The following RRP7A variants were observed in gnomAD, a reference collection of about 807,000 sequenced individuals.
RRP7A encodes ribosomal RNA-processing protein 7 homolog A.
A neutral mutation model predicts 38.4 loss-of-function variants in RRP7A; 27 were observed. The observed-to-expected ratio is 0.70, with a 90% CI of 0.52 to 0.97. RRP7A has a LOEUF of 0.97. Ranked by LOEUF, RRP7A falls within the 50% of genes least tolerant of loss-of-function variation. The pLI is 0.00. For missense variants in RRP7A, 327 were observed against 375.4 expected, an observed-to-expected ratio of 0.87 and a Z score of 1.07; for synonymous variants, 124 against 150.3, an observed-to-expected ratio of 0.83 and a Z score of 1.28.
In RRP7A at chr22:42,509,181, C is replaced by T. The variant is rs1932366050; in HGVS notation, c.*3729G>A. The T allele has an allele frequency of 2.1e-5, 34 of 1,604,562 alleles. 1 individual carries two copies. The highest frequency in any genetic ancestry group is 2.0e-4 in the South Asian group (18 of 90,356). On this transcript the variant is annotated 3_prime_UTR_variant, in exon 7 of 7. Coordinates refer to ENST00000323013, the MANE Select transcript of RRP7A (RefSeq NM_015703.5). Reference sequence around the variant, plus strand: ...GGCGCCAGGAATCTCTGGGAGGGGGCCCTGGCATGAGGCTCCAAGTTCTCT... The same window carrying T: ...GGCGCCAGGAATCTCTGGGAGGGGGTCCTGGCATGAGGCTCCAAGTTCTCT...
chr22:42,515,875 T>C, intron 3 of RRP7A, 136 bp downstream of exon 3: 3 of 1,141,334 alleles, frequency 2.6e-6, no homozygotes, highest in Non-Finnish European at 3.7e-6. Flanking sequence ...ACCCAGACAG[T>C]CTCTTACACC....
intron 6 of RRP7A, among the ~76,000 whole-genome samples, chr22:42,513,705 A>C (rs1315012454): frequency 1.1e-4 from 16 of 148,398 alleles, no homozygotes; most frequent in African/African-American, 3.7e-4. Context: ...AGACACACAC[A>C]CACACACACC....
chr22:42,514,460 G>A (rs925965917), intron 5 of RRP7A, among the ~76,000 whole-genome samples, 156 bp from the exon 6 acceptor site: 6 of 152,128 alleles, frequency 3.9e-5, no homozygotes, highest in African/African-American at 1.4e-4. Flanking sequence ...AAGGATGGCG[G>A]GGAGGGCACG....
At chr22:42,515,761 AG>A (rs1424257146) in intron 3 of RRP7A, among the ~76,000 whole-genome samples, 1 of 152,180 alleles carries the variant, frequency 6.6e-6, no homozygotes, top group Non-Finnish European at 1.5e-5. Context: ...AAGGCCCTGC[AG>A]GTGGCCAGCA....
chr22:42,517,958 C>A, intron 2 of RRP7A, 47 bp downstream of exon 2: 1 of 1,594,926 alleles, frequency 6.3e-7, no homozygotes, highest in Middle Eastern at 1.7e-4. Context: ...CCATGGGAGC[C>A]CCCACCTTGA....
In RRP7A at chr22:42,519,776, C is replaced by G. The variant is rs993323256; in HGVS notation, c.11G>C (p.Arg4Pro). The G allele has an allele frequency of 6.9e-7, 1 of 1,445,740 alleles. No individual in the cohort carries two copies. The highest frequency in any genetic ancestry group is 1.5e-5 in the African/African-American group (1 of 67,920). The allele number at this position is 1,445,740 out of a possible 1,614,324, so 89.6% of individuals were successfully genotyped here. Residue 4 changes from arginine to proline, a missense_variant, in exon 1 of 7, where the codon CGC (arginine) becomes CCC (proline). Arg to Pro is a moderately radical substitution (Grantham distance 103). Around this residue, in one of 5 missense-constraint regions of RRP7A, gnomAD observed 183 missense variants for 141.8 expected, o/e 1.29. Coordinates refer to ENST00000323013, the MANE Select transcript of RRP7A (RefSeq NM_015703.5). MVA[R>P]RRKCAARDPE... The stretch of plus-strand genomic sequence containing the variant: ...GTCCCGCGCGGCGCACTTCCTCCTG[C>G]GCGCCACCATCTTGCCACCCGGGAG...
chr22:42,511,825 G>C lies in RRP7A; in HGVS notation c.*1085C>G, dbSNP rs139433212. 742 of 409,044 alleles carry C rather than the reference G, an allele frequency of 1.8e-3. 5 individuals carry two copies. Among genetic ancestry groups the C allele is most frequent in the African/African-American group, 0.014 (706 of 49,178 alleles). The allele number at this position is 409,044 out of a possible 1,614,324, so 25.3% of individuals were successfully genotyped here. On this transcript the variant is annotated 3_prime_UTR_variant, in exon 7 of 7. Coordinates refer to ENST00000323013, the MANE Select transcript of RRP7A (RefSeq NM_015703.5). The stretch of plus-strand genomic sequence containing the variant: ...TATCTTTTCTCACGAGGACTACTTC[G>C]GATACAATCACAGCAACCCTGGCCT...
rs1455316815 is a variant in RRP7A at position 42,512,597 on chromosome 22, T to C, written c.*313A>G. ...GCTTTTTCGTTGCCAGCAAGGGCTT[T>C]TGCATTGAGGGAAAAGGAAGCACAG... On this transcript the variant is annotated 3_prime_UTR_variant, in exon 7 of 7. Coordinates refer to ENST00000323013, the MANE Select transcript of RRP7A (RefSeq NM_015703.5). 1.1e-5 allele frequency: 6 copies of C among 549,282 alleles called. No individual in the cohort carries two copies. Among genetic ancestry groups the C allele is most frequent in the Middle Eastern group, 4.8e-4 (1 of 2,084 alleles). 34.0% of individuals were successfully genotyped at this position (549,282 alleles called of 1,614,324 possible). A position where few individuals can be genotyped will look rare whatever the true frequency, so the allele number is the denominator to read the frequency against.
Position 42,510,851 on chromosome 22 carries a change from G to C in RRP7A, c.*2059C>G. 1 of 1,122,966 alleles carries C rather than the reference G, an allele frequency of 8.9e-7. No individual in the cohort carries two copies. Among genetic ancestry groups the C allele is most frequent in the Non-Finnish European group, 1.1e-6 (1 of 886,172 alleles). 69.6% of individuals were successfully genotyped at this position (1,122,966 alleles called of 1,614,324 possible). ...CCCAGGCCCAACAAGTGACCACCAG[G>C]ATCTATCAGGCCTCATGCTCCAGTG... On this transcript the variant is annotated 3_prime_UTR_variant, in exon 7 of 7. Coordinates refer to ENST00000323013, the MANE Select transcript of RRP7A (RefSeq NM_015703.5).
Position 42,516,126 on chromosome 22 carries a change from G to A in RRP7A, c.227C>T (p.Ser76Phe). 6.2e-7 allele frequency: 1 copy of A among 1,613,230 alleles called. No individual in the cohort carries two copies. Among genetic ancestry groups the A allele is most frequent in the Non-Finnish European group, 8.5e-7 (1 of 1,179,638 alleles). ...VPPYCTEESLSRLLSTCGLVQ... is the reference protein window; with the variant it reads ...VPPYCTEESLFRLLSTCGLVQ... ...GAGGCCACAGGTGGACAGGAGGCGG[G>A]ACAGGCTCTCCTGCCGCAGGGAGAG... is the stretch of plus-strand genomic sequence containing the variant. Residue 76 changes from serine to phenylalanine, a missense_variant, in exon 3 of 7, where the codon TCC (serine) becomes TTC (phenylalanine). Physicochemically the swap from Ser to Phe is radical, Grantham distance 155. Transcript: ENST00000323013.
chr22:42,519,446 C>T (rs1032899212), intron 1 of RRP7A, among the ~76,000 whole-genome samples: 1 of 152,160 alleles, frequency 6.6e-6, no homozygotes, highest in African/African-American at 2.4e-5. Flanking sequence ...ATGGGTTTGT[C>T]CTGGGTGAGA....
rs181115402 is a variant in RRP7A, at chr22:42,512,949, G to T, written c.804C>A (p.Ile268=). 26 of 1,613,588 alleles carry T rather than the reference G, an allele frequency of 1.6e-5. No homozygotes were observed. The African/African-American group carries it at 2.0e-4, about 12-fold the overall frequency. Residue 268 remains isoleucine, a synonymous_variant, in exon 7 of 7, where the codon ATC becomes ATA. Coordinates refer to ENST00000323013, the MANE Select transcript of RRP7A (RefSeq NM_015703.5). ...ATTTGCGCTGGGCCCGCAGCAGCTC[G>T]ATCCTCTGCTTGTCCTCCTCGAACT... ...RKKFEEDKQR[I]ELLRAQRKFR...
intron 1 of RRP7A, among the ~76,000 whole-genome samples, chr22:42,518,891 A>G (rs1920938918): frequency 6.6e-6 from 1 of 152,032 alleles, no homozygotes; most frequent in Admixed American, 6.6e-5. Flanking sequence ...AACGGAGAAG[A>G]CAATTAACAA....
rs1932515523 is a variant in RRP7A, at chr22:42,512,960, T to C, written c.793A>G (p.Lys265Glu). 3 of 1,613,406 alleles carry C rather than the reference T, an allele frequency of 1.9e-6. No individual in the cohort carries two copies. The highest frequency in any genetic ancestry group is 2.5e-6 in the Non-Finnish European group (3 of 1,179,792). Reference sequence around the variant, plus strand: ...GCCCGCAGCAGCTCGATCCTCTGCTTGTCCTCCTCGAACTTCTTGCGCAGC... The same window carrying C: ...GCCCGCAGCAGCTCGATCCTCTGCTCGTCCTCCTCGAACTTCTTGCGCAGC... ...AQLRKKFEEDKQRIELLRAQR... is the reference protein window; with the variant it reads ...AQLRKKFEEDEQRIELLRAQR... Residue 265 changes from lysine (K) to glutamate (E), a missense_variant, in exon 7 of 7, where the codon AAG becomes GAG. Coordinates refer to ENST00000323013, the MANE Select transcript of RRP7A (RefSeq NM_015703.5).
Position 42,512,746 on chromosome 22 carries a change from G to C in RRP7A, c.*164C>G. On this transcript the variant is annotated 3_prime_UTR_variant, in exon 7 of 7. Transcript: ENST00000323013. ...AGCACAAGACCCGAGGGGTGGCCTG[G>C]TCCTTCCCTCCTGGCCTGTGTGGAC... 1.4e-6 allele frequency: 1 copy of C among 731,528 alleles called. No homozygotes were observed. The highest frequency in any genetic ancestry group is 1.6e-5 in the South Asian group (1 of 61,156). The allele number at this position is 731,528 out of a possible 1,614,324, so 45.3% of individuals were successfully genotyped here.
intron 3 of RRP7A, 33 bp downstream of exon 3, chr22:42,515,978 C>A: frequency 6.4e-7 from 1 of 1,562,328 alleles, no homozygotes; most frequent in Non-Finnish European, 8.7e-7. Context: ...CCACCCCCCT[C>A]ACTCTAGTGG....
chr22:42,516,533 G>T, intron 2 of RRP7A: 1 of 360,558 alleles, frequency 2.8e-6, no homozygotes, highest in Non-Finnish European at 5.4e-6. Context: ...GGCTGGTCTT[G>T]AACTCCTGAC....
rs1414408325 is a variant in RRP7A at position 42,509,173 on chromosome 22, G to C, written c.*3737C>G. On this transcript the variant is annotated 3_prime_UTR_variant, in exon 7 of 7. Transcript: ENST00000323013. ...GAGACATGGGCGCCAGGAATCTCTG[G>C]GAGGGGGCCCTGGCATGAGGCTCCA... is the stretch of plus-strand genomic sequence containing the variant. 69 of 1,608,242 alleles carry C rather than the reference G, an allele frequency of 4.3e-5. No homozygotes were observed. Among genetic ancestry groups the C allele is most frequent in the Non-Finnish European group, 5.5e-5 (65 of 1,176,658 alleles).
At position 42,512,782 on chromosome 22, in the gene RRP7A, C is replaced by A. The variant is rs150162251; in HGVS notation, c.*128G>T. Reference sequence around the variant, plus strand: ...CTGGCCTGTGTGGACTCTGATGGGGCTGTTGGACGCGGTGGCCTTCAACCT... The same window carrying A: ...CTGGCCTGTGTGGACTCTGATGGGGATGTTGGACGCGGTGGCCTTCAACCT... On this transcript the variant is annotated 3_prime_UTR_variant, in exon 7 of 7. Transcript: ENST00000323013. The A allele has an allele frequency of 4.4e-4, 403 of 911,896 alleles. 6 individuals carry two copies. In the East Asian group the frequency reaches 7.9e-3, roughly 18 times the overall value. 56.5% of individuals were successfully genotyped at this position (911,896 alleles called of 1,614,324 possible). A position where few individuals can be genotyped will look rare whatever the true frequency, so the allele number is the denominator to read the frequency against.
Sources: allele counts gnomAD v4.1 joint callset (sites outside exome capture counted in the v4.1 genomes callset), GRCh38; gene constraint gnomAD v4.1.1; regional missense constraint gnomAD v4.1.1; transcripts MANE v1.5; gene names NCBI Gene and HGNC (gene_info 2026-07-23, HGNC 2026-07-21).